RNF2: variants seen among roughly 807,000 people sequenced by gnomAD.
RNF2 encodes the protein ring finger protein 2, also known as E3 ubiquitin-protein ligase RING2.
Under a neutral mutation model 37.2 loss-of-function variants are expected in RNF2, and 6 were observed. The ratio of observed to expected loss-of-function variants is 0.16; its 90% confidence interval spans 0.09 to 0.32. The LOEUF is 0.32. RNF2 is among the 10% of genes least tolerant of loss of function. The pLI is 1.00. For missense variants in RNF2, 251 were observed against 404.0 expected (o/e 0.62, Z 3.25); for synonymous variants, 133 against 132.7 (o/e 1.00, Z -0.02).
chr1:185,087,446 T>C (rs1651635039), intron 1 of RNF2, 106 bp from the exon 2 acceptor site: 2 of 880,904 alleles, frequency 2.3e-6, no homozygotes, highest in Non-Finnish European at 1.9e-6. Context: ...TATTACTTCA[T>C]TGAGATTAGA....
chr1:185,059,201 A>C (rs1650527607), intron 1 of RNF2, among the ~76,000 whole-genome samples: 1 of 151,350 alleles, frequency 6.6e-6, no homozygotes, highest in Admixed American at 6.6e-5. Flanking sequence ...AAATGAGAAT[A>C]GAAGTCTCCT....
chr1:185,083,935 TC>T (rs1651504140), intron 1 of RNF2, among the ~76,000 whole-genome samples: 1 of 142,504 alleles, frequency 7.0e-6, no homozygotes, highest in African/African-American at 2.7e-5. Flanking sequence ...TTAAGTCTTT[TC>T]CTTAAAAAAA....
intron 2 of RNF2, 48 bp downstream of exon 2, chr1:185,087,688 G>T (rs1354244128): frequency 2.2e-6 from 3 of 1,350,764 alleles, no homozygotes; most frequent in African/African-American, 2.9e-5. Flanking sequence ...GTGTAAACTG[G>T]GATACATTTT....
rs144078326 is a variant in RNF2, at chr1:185,095,855, A to G, written c.465-2217A>G. On this transcript the variant is annotated intron_variant, in intron 4 of 6. Transcript: ENST00000367510. The stretch of plus-strand genomic sequence containing the variant: ...TCGTATATGTCCCTCTAAAGGCTTA[A>G]TATTCACATTCCTCATTTCTTTTTT... Among the ~76,000 whole-genome samples the G allele has an allele frequency of 6.6e-5, 10 of 152,316 alleles. No homozygotes were observed. In the East Asian group the frequency reaches 1.9e-3, roughly 29 times the overall value.
At chr1:185,073,493 T>C (rs781613105) in intron 1 of RNF2, among the ~76,000 whole-genome samples, 7 of 152,218 alleles carry the variant, frequency 4.6e-5, no homozygotes, top group Non-Finnish European at 8.8e-5. Context: ...GTCTGTTCTT[T>C]TAGTGTATTC....
rs150961115 is a variant in RNF2 at position 185,080,662 on chromosome 1, A to G, written c.-2-6890A>G. ...ACAGAAAGATAAGGAAGACTAGAAA[A>G]TTCTGCAAAGTCATGAAGATTGTAG... On this transcript the variant is annotated intron_variant, in intron 1 of 6. Transcript: ENST00000367510. Among the ~76,000 whole-genome samples, 89 of 152,322 alleles carry G rather than the reference A, an allele frequency of 5.8e-4. 1 individual carries two copies. In the East Asian group the frequency reaches 8.1e-3, roughly 14 times the overall value.
intron 4 of RNF2, among the ~76,000 whole-genome samples, chr1:185,096,920 A>G (rs1465759534): frequency 6.6e-6 from 1 of 151,808 alleles, no homozygotes; most frequent in Non-Finnish European, 1.5e-5. Flanking sequence ...GGCAGTAAAC[A>G]TAATGACAAT....
At chr1:185,074,681 GA>G (rs1216378615) in intron 1 of RNF2, among the ~76,000 whole-genome samples, 1 of 151,654 alleles carries the variant, frequency 6.6e-6, no homozygotes, top group Non-Finnish European at 1.5e-5. Flanking sequence ...AAATATTAGG[GA>G]AAAAAAATGG....
rs118106018 is a variant in RNF2 at position 185,092,370 on chromosome 1, T to G, written c.248+631T>G. 5.5e-3 allele frequency among the ~76,000 whole-genome samples: 831 copies of G among 151,824 alleles called. 31 individuals are homozygous for G. In the East Asian group the frequency reaches 0.086, roughly 16 times the overall value. ...GTTTGTATTTTTAGTAGAGGGGGGC[T>G]TTCACTGTGTTGGTCAGGCTGGTCT... On this transcript the variant is annotated intron_variant, in intron 3 of 6. Coordinates refer to ENST00000367510, the MANE Select transcript of RNF2 (RefSeq NM_007212.4).
At chr1:185,086,777 G>C (rs1651611001) in intron 1 of RNF2, among the ~76,000 whole-genome samples, 1 of 152,178 alleles carries the variant, frequency 6.6e-6, no homozygotes, top group African/African-American at 2.4e-5. Flanking sequence ...ATGACTAGTG[G>C]TTTAAAGTGC....
chr1:185,051,050 A>C (rs1485173813), intron 1 of RNF2, among the ~76,000 whole-genome samples: 4 of 152,346 alleles, frequency 2.6e-5, no homozygotes, highest in Non-Finnish European at 5.9e-5. Context: ...GCAAATCGAC[A>C]GTACTTCATT....
In RNF2 at chr1:185,087,483, A is replaced by G. The variant is rs1394037374; in HGVS notation, c.-2-69A>G. ...TTCAACGTAGGAATTTTGGTGGGAC[A>G]CATACATTCAGACCATAGCACTTCC... is the stretch of plus-strand genomic sequence containing the variant. On this transcript the variant is annotated intron_variant, in intron 1 of 6. Transcript: ENST00000367510. The G allele has an allele frequency of 2.4e-6, 3 of 1,274,730 alleles. No homozygotes were observed. In the African/African-American group the frequency reaches 4.4e-5, roughly 19 times the overall value. 79.0% of individuals were successfully genotyped at this position (1,274,730 alleles called of 1,614,324 possible).
intron 1 of RNF2, among the ~76,000 whole-genome samples, chr1:185,054,638 T>C (rs541725896): frequency 1.8e-4 from 28 of 152,210 alleles, no homozygotes; most frequent in Non-Finnish European, 3.5e-4. Context: ...TAATTGTCTT[T>C]CAAGATTGAC....
At chr1:185,058,914 G>A (rs1204745894) in intron 1 of RNF2, among the ~76,000 whole-genome samples, 1 of 152,170 alleles carries the variant, frequency 6.6e-6, no homozygotes, top group East Asian at 1.9e-4. Flanking sequence ...TTGATTTCCA[G>A]TATATATGAA....
intron 1 of RNF2, among the ~76,000 whole-genome samples, chr1:185,068,889 A>G (rs1650878965): frequency 6.6e-6 from 1 of 152,206 alleles, no homozygotes; most frequent in Non-Finnish European, 1.5e-5. Context: ...GATACTCTGT[A>G]TAGACCAGAA....
At chr1:185,074,345 G>A (rs1001177876) in intron 1 of RNF2, among the ~76,000 whole-genome samples, 1 of 152,080 alleles carries the variant, frequency 6.6e-6, no homozygotes, top group South Asian at 2.1e-4. Flanking sequence ...TTTAGTGGTA[G>A]GGGTAGGATG....
intron 1 of RNF2, among the ~76,000 whole-genome samples, chr1:185,078,128 TC>T (rs1651232088): frequency 6.6e-6 from 1 of 152,152 alleles, no homozygotes; most frequent in Admixed American, 6.5e-5. Flanking sequence ...GTGCCTGTAG[TC>T]CCAGCTGCTT....
chr1:185,072,850 G>GA (rs746246232), intron 1 of RNF2, among the ~76,000 whole-genome samples: 10 of 152,062 alleles, frequency 6.6e-5, no homozygotes, highest in Non-Finnish European at 1.2e-4. Flanking sequence ...TGAGGCAGGA[G>GA]AATCGCTTGA....
At chr1:185,076,570 G>A (rs1302182219) in intron 1 of RNF2, among the ~76,000 whole-genome samples, 1 of 150,356 alleles carries the variant, frequency 6.7e-6, no homozygotes, top group Non-Finnish European at 1.5e-5. Context: ...ACAGGGGTGA[G>A]CCACTGCGCC....
Sources: gnomAD v4.1 joint callset for allele counts (sites outside exome capture counted in the v4.1 genomes callset) on GRCh38, gnomAD v4.1.1 for gene constraint, MANE v1.5 for transcripts, NCBI Gene and HGNC (gene_info 2026-07-23, HGNC 2026-07-21) for gene names.